Variants in RAP1GAP2 observed in about 807,000 individuals in gnomAD.
RAP1GAP2 encodes RAP1 GTPase activating protein 2.
Under a neutral mutation model 95.0 loss-of-function variants are expected in RAP1GAP2, and 27 were observed. That is an observed-to-expected ratio of 0.28 (90% CI 0.21 to 0.39). RAP1GAP2 has a LOEUF of 0.39. Ranked by LOEUF, RAP1GAP2 falls within the 10% of genes least tolerant of loss-of-function variation. The pLI is 1.00. For missense variants in RAP1GAP2, 771 were observed against 970.0 expected (o/e 0.79, Z 2.72); for synonymous variants, 373 against 380.9 (o/e 0.98, Z 0.24).
chr17:2,980,722 C>T (rs868262915), intron 9 of RAP1GAP2, among the ~76,000 whole-genome samples: 11 of 152,104 alleles, frequency 7.2e-5, no homozygotes, highest in Non-Finnish European at 1.0e-4. Flanking sequence ...GGCGGGTGGC[C>T]TGGGGAACCT....
chr17:2,769,902 G>A (rs1177347919), intron 1 of RAP1GAP2, among the ~76,000 whole-genome samples: 5 of 151,898 alleles, frequency 3.3e-5, no homozygotes, highest in Middle Eastern at 3.4e-3. Context: ...GTAAAACCCC[G>A]TCTCAACTAA....
At chr17:2,966,585 G>A (rs1013126329) in intron 8 of RAP1GAP2, among the ~76,000 whole-genome samples, 5 of 152,178 alleles carry the variant, frequency 3.3e-5, no homozygotes, top group African/African-American at 1.2e-4. Context: ...TGGGAAAGGT[G>A]GGGGTCCGTG....
intron 2 of RAP1GAP2, among the ~76,000 whole-genome samples, chr17:2,811,726 C>A (rs537458863): frequency 1.3e-5 from 2 of 152,020 alleles, no homozygotes; most frequent in Non-Finnish European, 2.9e-5. Flanking sequence ...TACAGGCATG[C>A]GCCACCATTT....
At chr17:3,026,852 G>C (rs879081610) in intron 21 of RAP1GAP2, 92 bp from the exon 22 acceptor site, 1 of 1,449,694 alleles carries the variant, frequency 6.9e-7, no homozygotes, top group East Asian at 2.5e-5. Context: ...AGGAGGCAGC[G>C]GCTGTCCTGG....
intron 3 of RAP1GAP2, among the ~76,000 whole-genome samples, chr17:2,935,511 C>A (rs1202313502): frequency 6.6e-6 from 1 of 152,084 alleles, no homozygotes; most frequent in Non-Finnish European, 1.5e-5. Context: ...CTGTCACACA[C>A]ACACACACAC....
At chr17:2,808,103 T>C (rs1020230625) in intron 2 of RAP1GAP2, among the ~76,000 whole-genome samples, 1 of 152,094 alleles carries the variant, frequency 6.6e-6, no homozygotes, top group Non-Finnish European at 1.5e-5. Context: ...CTTTTTTCCT[T>C]TCGCCCAGTA....
At chr17:2,862,996 CAAAAAAAAAAAA>C (rs1164520490) in intron 2 of RAP1GAP2, among the ~76,000 whole-genome samples, 2 of 49,018 alleles carry the variant, frequency 4.1e-5, no homozygotes, top group African/African-American at 8.4e-5. Context: ...GACTCTGTCT[CAAAAAAAAAAAA>C]AAAAAAAAAA....
chr17:2,841,893 C>A (rs954502426), intron 2 of RAP1GAP2, among the ~76,000 whole-genome samples: 1 of 152,206 alleles, frequency 6.6e-6, no homozygotes, highest in Non-Finnish European at 1.5e-5. Flanking sequence ...CGGGCTCCTC[C>A]TGACCCCACA....
At chr17:2,922,614 C>G (rs959978061) in intron 3 of RAP1GAP2, among the ~76,000 whole-genome samples, 1 of 152,108 alleles carries the variant, frequency 6.6e-6, no homozygotes, top group Non-Finnish European at 1.5e-5. Flanking sequence ...GGACCCAGTG[C>G]AGCTCCAGCT....
rs146873396 is a variant in RAP1GAP2, at chr17:2,965,505, C to A, written c.493-35C>A. Reference sequence around the variant, plus strand: ...GGGGAACATACCTGGAAGGTTTCTTCCTCCTTCCTGCTCACACTCAGTTTC... The same window carrying A: ...GGGGAACATACCTGGAAGGTTTCTTACTCCTTCCTGCTCACACTCAGTTTC... On this transcript the variant is annotated intron_variant, in intron 7 of 24. Transcript: ENST00000254695. The surrounding 1 kb of genome is among the most constrained non-coding windows in gnomAD (Gnocchi z 4.7). 11 of 1,526,558 alleles carry A rather than the reference C, an allele frequency of 7.2e-6. No homozygotes were observed. Among genetic ancestry groups the A allele is most frequent in the Non-Finnish European group, 9.9e-6 (11 of 1,115,750 alleles). The allele number at this position is 1,526,558 out of a possible 1,614,324, so 94.6% of individuals were successfully genotyped here. A position where few individuals can be genotyped will look rare whatever the true frequency, so the allele number is the denominator to read the frequency against.
At chr17:2,853,983 G>A (rs1382173198) in intron 2 of RAP1GAP2, 5 of 984,194 alleles carry the variant, frequency 5.1e-6, no homozygotes, top group Non-Finnish European at 4.8e-6. Flanking sequence ...CGGGCACCGC[G>A]GGCGGCCTCG....
At chr17:2,831,308 C>T (rs567612620) in intron 2 of RAP1GAP2, among the ~76,000 whole-genome samples, 1 of 150,994 alleles carries the variant, frequency 6.6e-6, no homozygotes, top group South Asian at 2.1e-4. Flanking sequence ...AACTCCTGAC[C>T]TCAGGTGATC....
intron 3 of RAP1GAP2, among the ~76,000 whole-genome samples, chr17:2,951,391 T>C (rs980831333): frequency 6.6e-6 from 1 of 152,230 alleles, no homozygotes; most frequent in Non-Finnish European, 1.5e-5. Flanking sequence ...GGTTTTAAGA[T>C]GTGTCCATGA....
intron 7 of RAP1GAP2, 43 bp downstream of exon 7, chr17:2,964,111 G>A (rs180820341): frequency 1.3e-6 from 2 of 1,519,322 alleles, no homozygotes; most frequent in South Asian, 2.4e-5. Flanking sequence ...GGGGGCAGAG[G>A]CTGGGGACGC....
rs1207809723 is a variant in RAP1GAP2, at chr17:3,003,128, G to A, written c.1201-2241G>A. On this transcript the variant is annotated intron_variant, in intron 14 of 24. Coordinates refer to ENST00000254695, the MANE Select transcript of RAP1GAP2 (RefSeq NM_015085.5). This position sits in a 1 kb window ranked among gnomAD's most constrained non-coding sequence, Gnocchi z 4.1. ...CTCTCGCTAGAGGGAGGAAATGGAA[G>A]CTGAGAGCTGAACCCACTTAAGGCC... 6.6e-6 allele frequency among the ~76,000 whole-genome samples: 1 copy of A among 152,204 alleles called. No individual in the cohort carries two copies. Among genetic ancestry groups the A allele is most frequent in the Non-Finnish European group, 1.5e-5 (1 of 68,032 alleles).
intron 3 of RAP1GAP2, among the ~76,000 whole-genome samples, chr17:2,910,826 A>G (rs2042350071): frequency 6.6e-6 from 1 of 152,134 alleles, no homozygotes; most frequent in South Asian, 2.1e-4. Flanking sequence ...CCCAGGCTCA[A>G]GCAGTTCTCC....
upstream of RAP1GAP2, among the ~76,000 whole-genome samples, chr17:2,791,499 G>A (rs1032545310): frequency 1.3e-5 from 2 of 152,206 alleles, no homozygotes; most frequent in East Asian, 3.8e-4. Context: ...TGTAACATGG[G>A]CACTGATGCA....
At chr17:2,912,351 T>G (rs959822012) in intron 3 of RAP1GAP2, among the ~76,000 whole-genome samples, 1 of 152,168 alleles carries the variant, frequency 6.6e-6, no homozygotes, top group Non-Finnish European at 1.5e-5. Flanking sequence ...CCGGCCTGAT[T>G]TCGTCTCTTC....
chr17:2,832,352 A>G (rs779882138), intron 2 of RAP1GAP2, among the ~76,000 whole-genome samples: 8 of 151,340 alleles, frequency 5.3e-5, no homozygotes, highest in Non-Finnish European at 7.4e-5. Flanking sequence ...AGGTCAGGAG[A>G]TCGAGATCAT....
Sources: gnomAD v4.1 joint callset for allele counts (sites outside exome capture counted in the v4.1 genomes callset) on GRCh38, gnomAD v4.1.1 for gene constraint, Gnocchi (gnomAD v3.1) non-coding constraint, MANE v1.5 for transcripts, NCBI Gene and HGNC (gene_info 2026-07-23, HGNC 2026-07-21) for gene names.